ARHGAP20: variants seen among roughly 807,000 people sequenced by gnomAD.
ARHGAP20 encodes the protein rho GTPase-activating protein 20.
In ARHGAP20, 34 loss-of-function variants were observed where a neutral mutation model predicts 73.7. That is an observed-to-expected ratio of 0.46 (90% confidence interval 0.35 to 0.61). The LOEUF is 0.61. Ranked by LOEUF, ARHGAP20 falls within the 20% of genes least tolerant of loss-of-function variation. The pLI, the probability that ARHGAP20 is intolerant of heterozygous loss-of-function variation, is 0.00. For synonymous variants in ARHGAP20, 523 were observed against 518.2 expected, an observed-to-expected ratio of 1.01 and a Z score of -0.13; for missense variants, 1,314 against 1,420.9, an observed-to-expected ratio of 0.92 and a Z score of 1.21.
Position 110,580,529 on chromosome 11 carries a change from T to A in ARHGAP20, c.2417A>T (p.Tyr806Phe), listed in dbSNP as rs186404775. Reference sequence around the variant, plus strand: ...ATGATCCTGTGAGGACATAGGACTATAAGATGCCACAGAAATGGCCACTGG... The same window carrying A: ...ATGATCCTGTGAGGACATAGGACTAAAAGATGCCACAGAAATGGCCACTGG... ...SKPVAISVASYSPMSSQDHSK... is the reference protein window; with the variant it reads ...SKPVAISVASFSPMSSQDHSK... Residue 806 changes from tyrosine to phenylalanine, a missense_variant, in exon 15 of 15, where the codon TAT (tyrosine) becomes TTT (phenylalanine). Physicochemically the swap from Tyr to Phe is conservative, Grantham distance 22. Transcript: ENST00000683387. The A allele has an allele frequency of 3.1e-6, 5 of 1,614,216 alleles. No homozygotes were observed. In the African/African-American group the frequency reaches 6.7e-5, roughly 22 times the overall value.
intron 1 of ARHGAP20, among the ~76,000 whole-genome samples, chr11:110,704,894 G>A (rs1950526011): frequency 6.6e-6 from 1 of 152,060 alleles, no homozygotes; most frequent in South Asian, 2.1e-4. Flanking sequence ...GAAGACATGA[G>A]GGGTATGAGT....
At position 110,689,869 on chromosome 11, in the gene ARHGAP20, T is replaced by C. The variant is rs538494678; in HGVS notation, c.188+678A>G. 2.0e-5 allele frequency among the ~76,000 whole-genome samples: 3 copies of C among 152,176 alleles called. No individual in the cohort carries two copies. In the East Asian group the frequency reaches 5.8e-4, roughly 29 times the overall value. ...GAGGTCAAGCTGCGTACTTGTCTTC[T>C]CAAGTCGCCTGCTTGGCCCTCTTTC... On this transcript the variant is annotated intron_variant, in intron 2 of 14. Transcript: ENST00000683387.
intron 2 of ARHGAP20, 130 bp from the exon 3 acceptor site, chr11:110,630,922 C>G: frequency 1.2e-6 from 1 of 824,922 alleles, no homozygotes; most frequent in Non-Finnish European, 1.8e-6. Context: ...ATTCACCACA[C>G]AGTAGTCTTT....
intron 1 of ARHGAP20, among the ~76,000 whole-genome samples, chr11:110,691,528 T>C (rs746272496): frequency 6.6e-6 from 1 of 152,188 alleles, no homozygotes; most frequent in Non-Finnish European, 1.5e-5. Context: ...GAACTGGATG[T>C]TGCTCCAATG....
At chr11:110,660,593 C>T (rs938727068) in intron 2 of ARHGAP20, among the ~76,000 whole-genome samples, 1 of 152,144 alleles carries the variant, frequency 6.6e-6, no homozygotes, top group African/African-American at 2.4e-5. Flanking sequence ...ATCTACCCTG[C>T]CTCCTATACC....
chr11:110,694,314 C>G (rs909721449), intron 1 of ARHGAP20, among the ~76,000 whole-genome samples: 2 of 151,728 alleles, frequency 1.3e-5, no homozygotes, highest in African/African-American at 4.8e-5. Context: ...GAAAGTATAA[C>G]ATGAATACTA....
intron 2 of ARHGAP20, among the ~76,000 whole-genome samples, chr11:110,640,779 G>C (rs1949061826): frequency 6.6e-6 from 1 of 150,996 alleles, no homozygotes; most frequent in Admixed American, 6.6e-5. Context: ...GGGAGGGACA[G>C]CATTAAGAGA....
intron 13 of ARHGAP20, 66 bp from the exon 14 acceptor site, chr11:110,582,501 T>C (rs1947500283): frequency 1.0e-5 from 11 of 1,081,340 alleles, no homozygotes; most frequent in Non-Finnish European, 1.4e-5. Context: ...ACATTTCATA[T>C]ATAAATCCTG....
At chr11:110,583,786 T>C (rs754790779) in intron 12 of ARHGAP20, 49 bp from the exon 13 acceptor site, 2 of 1,428,076 alleles carry the variant, frequency 1.4e-6, no homozygotes, top group Non-Finnish European at 1.9e-6. Flanking sequence ...ATTCAAAAAC[T>C]TGTAAAGACA....
At chr11:110,641,883 T>G (rs996807596) in intron 2 of ARHGAP20, among the ~76,000 whole-genome samples, 1 of 152,074 alleles carries the variant, frequency 6.6e-6, no homozygotes, top group Non-Finnish European at 1.5e-5. Context: ...AAAATTCGTT[T>G]GGCTACTCAT....
At chr11:110,645,042 C>T (rs980658400) in intron 2 of ARHGAP20, among the ~76,000 whole-genome samples, 2 of 151,692 alleles carry the variant, frequency 1.3e-5, no homozygotes, top group East Asian at 1.9e-4. Context: ...CACAGTCTCA[C>T]TCTATCACCC....
In ARHGAP20 at chr11:110,625,568, C is replaced by A. The variant is rs185993997; in HGVS notation, c.354-1257G>T. Among the ~76,000 whole-genome samples, 322 of 151,886 alleles carry A rather than the reference C, an allele frequency of 2.1e-3. 1 individual carries two copies. Among genetic ancestry groups the A allele is most frequent in the African/African-American group, 7.5e-3 (310 of 41,420 alleles). On this transcript the variant is annotated intron_variant, in intron 3 of 14. Coordinates refer to ENST00000683387, the MANE Select transcript of ARHGAP20 (RefSeq NM_001384657.1). ...GCAGTCCCCCAAAAAGAACCTAAAC[C>A]AAACTTAAAAAAAAAAGTAGGGTTG...
intron 2 of ARHGAP20, among the ~76,000 whole-genome samples, chr11:110,642,339 T>A (rs530870913): frequency 4.6e-5 from 7 of 152,224 alleles, no homozygotes; most frequent in Admixed American, 6.6e-5. Context: ...ATAAAAGTGG[T>A]GAGAGTGGGC....
chr11:110,679,288 C>T (rs76736179), intron 2 of ARHGAP20, among the ~76,000 whole-genome samples: 2,581 of 152,256 alleles, frequency 0.017, 52 homozygotes, highest in African/African-American at 0.046. Flanking sequence ...GGAAGTGGCA[C>T]ATCACTACTT....
rs1400428138 is a variant in ARHGAP20, at chr11:110,618,683, C to T, written c.504-3089G>A. Among the ~76,000 whole-genome samples, 8 of 147,870 alleles carry T rather than the reference C, an allele frequency of 5.4e-5. No homozygotes were observed. In the East Asian group the frequency reaches 1.0e-3, roughly 19 times the overall value. On this transcript the variant is annotated intron_variant, in intron 4 of 14. Coordinates refer to ENST00000683387, the MANE Select transcript of ARHGAP20 (RefSeq NM_001384657.1). The stretch of plus-strand genomic sequence containing the variant: ...CATATATGCAGTGATAGAGTATATG[C>T]AGTGATAGAGTATATGCAGTGATAG...
intron 2 of ARHGAP20, among the ~76,000 whole-genome samples, chr11:110,655,038 T>C (rs912746900): frequency 3.3e-5 from 5 of 152,124 alleles, no homozygotes; most frequent in Non-Finnish European, 7.4e-5. Context: ...AAAAACAGAT[T>C]CAAATTAACT....
chr11:110,601,243 T>C (rs1168532583), intron 9 of ARHGAP20, among the ~76,000 whole-genome samples: 2 of 152,222 alleles, frequency 1.3e-5, no homozygotes, highest in East Asian at 1.9e-4. Context: ...ATTCTGACTA[T>C]AACAACTAGC....
chr11:110,695,940 G>T (rs1170755088), intron 1 of ARHGAP20, among the ~76,000 whole-genome samples: 1 of 151,508 alleles, frequency 6.6e-6, no homozygotes, highest in Non-Finnish European at 1.5e-5. Flanking sequence ...CTGATGAATG[G>T]GTAAACAAAA....
intron 2 of ARHGAP20, among the ~76,000 whole-genome samples, chr11:110,659,564 A>G (rs1331993037): frequency 3.9e-4 from 59 of 151,522 alleles, no homozygotes; most frequent in African/African-American, 1.3e-3. Context: ...CTTTAGTTTA[A>G]TTAGATCCCA....
Sources: allele counts gnomAD v4.1 joint callset (sites outside exome capture counted in the v4.1 genomes callset), GRCh38; gene constraint gnomAD v4.1.1; transcripts MANE v1.5; gene names NCBI Gene and HGNC (gene_info 2026-07-23, HGNC 2026-07-21).